The following SBF2 variants were observed in gnomAD, a reference collection of about 807,000 sequenced individuals.
SBF2 encodes myotubularin-related protein 13.
Under a neutral mutation model 225.2 loss-of-function variants are expected in SBF2, and 112 were observed. The observed-to-expected ratio is 0.50, with a 90% confidence interval of 0.43 to 0.58. SBF2 has a LOEUF of 0.58. Ranked by LOEUF, SBF2 falls within the 20% of genes least tolerant of loss-of-function variation. The pLI is 0.00. For missense variants in SBF2, 1,996 were observed against 2,206.2 expected (o/e 0.90, Z 1.91); for synonymous variants, 763 against 773.3 (o/e 0.99, Z 0.22).
intron 2 of SBF2, among the ~76,000 whole-genome samples, chr11:10,177,546 C>T (rs931777481): frequency 4.0e-5 from 6 of 148,694 alleles, no homozygotes; most frequent in Admixed American, 6.8e-5. Flanking sequence ...TATACACCAA[C>T]AACAGACAAA....
intron 1 of SBF2, among the ~76,000 whole-genome samples, chr11:10,286,483 C>T (rs1963801389): frequency 6.6e-6 from 1 of 151,664 alleles, no homozygotes; most frequent in Non-Finnish European, 1.5e-5. Flanking sequence ...CCTCAGCCTC[C>T]CACGTAGCTG....
intron 32 of SBF2, among the ~76,000 whole-genome samples, chr11:9,801,412 A>C (rs1055932836): frequency 2.0e-5 from 3 of 152,192 alleles, no homozygotes; most frequent in Non-Finnish European, 4.4e-5. Flanking sequence ...TAAAATTTAA[A>C]GGCCTATAAA....
In SBF2 at chr11:10,219,530, G is replaced by C. The variant is rs139466427; in HGVS notation, c.56-25543C>G. Among the ~76,000 whole-genome samples the C allele has an allele frequency of 4.0e-3, 602 of 152,282 alleles. 4 individuals carry two copies. The highest frequency in any genetic ancestry group is 0.02 in the South Asian group (97 of 4,828). ...CTTGGTGATTAACATTTGGCTCCTC[G>C]TTACTTACGCAAATTTCTGCAGCCA... On this transcript the variant is annotated intron_variant, in intron 1 of 39. Transcript: ENST00000256190.
intron 3 of SBF2, among the ~76,000 whole-genome samples, chr11:10,039,769 A>T (rs1565162450): frequency 6.6e-6 from 1 of 151,944 alleles, no homozygotes; most frequent in Non-Finnish European, 1.5e-5. Context: ...GAATAAAATG[A>T]TCCTAGATCA....
intron 16 of SBF2, among the ~76,000 whole-genome samples, chr11:9,907,856 C>T (rs1390320589): frequency 1.3e-5 from 2 of 152,278 alleles, no homozygotes; most frequent in Non-Finnish European, 2.9e-5. Context: ...CACAACATCT[C>T]GATTAGATAG....
intron 2 of SBF2, among the ~76,000 whole-genome samples, chr11:10,139,806 C>A (rs1206320437): frequency 6.6e-6 from 1 of 152,196 alleles, no homozygotes; most frequent in Non-Finnish European, 1.5e-5. Flanking sequence ...GAAAAATCAA[C>A]AGAAAATGTC....
intron 32 of SBF2, among the ~76,000 whole-genome samples, chr11:9,802,632 C>T (rs1471244706): frequency 2.0e-5 from 3 of 152,140 alleles, no homozygotes; most frequent in Non-Finnish European, 4.4e-5. Flanking sequence ...GAGGGCAGCA[C>T]TAATTCGAAT....
intron 17 of SBF2, among the ~76,000 whole-genome samples, chr11:9,885,817 G>C (rs1860246113): frequency 6.6e-6 from 1 of 152,018 alleles, no homozygotes; most frequent in Non-Finnish European, 1.5e-5. Context: ...CCTGCAATAG[G>C]GTCCAGGATG....
At chr11:10,130,713 C>T (rs1464763051) in intron 2 of SBF2, among the ~76,000 whole-genome samples, 1 of 152,128 alleles carries the variant, frequency 6.6e-6, no homozygotes, top group Non-Finnish European at 1.5e-5. Flanking sequence ...CACAAAAATC[C>T]CATGACTACC....
At chr11:10,101,882 C>T (rs1466790699) in intron 2 of SBF2, among the ~76,000 whole-genome samples, 1 of 151,984 alleles carries the variant, frequency 6.6e-6, no homozygotes, top group Non-Finnish European at 1.5e-5. Flanking sequence ...TATAAGCCTA[C>T]CTTTCAAGCC....
chr11:10,254,682 G>T (rs928500097), intron 1 of SBF2, among the ~76,000 whole-genome samples: 1 of 150,690 alleles, frequency 6.6e-6, no homozygotes, highest in Admixed American at 6.6e-5. Context: ...GAGGCGGGTG[G>T]GTCACTTGAG....
chr11:10,019,810 A>G (rs1170156395), intron 6 of SBF2, among the ~76,000 whole-genome samples: 2 of 152,236 alleles, frequency 1.3e-5, no homozygotes, highest in Admixed American at 1.3e-4. Flanking sequence ...GATAAAAATC[A>G]TCCTACAATT....
intron 17 of SBF2, among the ~76,000 whole-genome samples, chr11:9,864,971 C>T (rs1858070221): frequency 6.6e-6 from 1 of 151,660 alleles, no homozygotes. Context: ...GTGCAGTTGG[C>T]ACAATCTTGG....
At chr11:9,861,663 C>CAAA (rs1193095357) in intron 17 of SBF2, among the ~76,000 whole-genome samples, 11 of 83,426 alleles carry the variant, frequency 1.3e-4, no homozygotes, top group African/African-American at 4.6e-4. Context: ...GACTCCATCT[C>CAAA]AAAAAAAAAA....
At chr11:9,843,265 T>A (rs984803608) in intron 24 of SBF2, among the ~76,000 whole-genome samples, 35 of 152,240 alleles carry the variant, frequency 2.3e-4, no homozygotes, top group Admixed American at 2.1e-3. Context: ...TGCTTATTTC[T>A]TAACTGTTTT....
intron 1 of SBF2, among the ~76,000 whole-genome samples, chr11:10,270,715 C>T (rs552334392): frequency 5.3e-5 from 8 of 152,016 alleles, no homozygotes; most frequent in East Asian, 1.9e-4. Context: ...AAAATGAGGA[C>T]GGGCGCGGTG....
chr11:10,264,998 G>A (rs1961829849), intron 1 of SBF2, among the ~76,000 whole-genome samples: 1 of 152,094 alleles, frequency 6.6e-6, no homozygotes, highest in Non-Finnish European at 1.5e-5. Context: ...ACATCTGGGT[G>A]GGTTCCAATT....
At chr11:10,245,369 C>T (rs932967107) in intron 1 of SBF2, among the ~76,000 whole-genome samples, 2 of 151,932 alleles carry the variant, frequency 1.3e-5, no homozygotes, top group African/African-American at 2.4e-5. Flanking sequence ...AATGACCTTG[C>T]CATTGAATAG....
chr11:10,085,077 G>T (rs1486513975), intron 2 of SBF2, among the ~76,000 whole-genome samples: 5 of 152,120 alleles, frequency 3.3e-5, no homozygotes, highest in Non-Finnish European at 5.9e-5. Flanking sequence ...CCACAAATTT[G>T]TACAAAACAA....
Sources: allele counts gnomAD v4.1 joint callset (sites outside exome capture counted in the v4.1 genomes callset), GRCh38; gene constraint gnomAD v4.1.1; transcripts MANE v1.5; gene names NCBI Gene and HGNC (gene_info 2026-07-23, HGNC 2026-07-21).